The following RARB variants were observed in gnomAD, a reference collection of about 807,000 sequenced individuals.
RARB encodes the protein HBV-activated protein.
Under a neutral mutation model 51.9 loss-of-function variants are expected in RARB, and 17 were observed. That is an observed-to-expected ratio of 0.33 (90% confidence interval 0.22 to 0.49). The LOEUF is 0.49. Ranked by LOEUF, RARB falls within the 20% of genes least tolerant of loss-of-function variation. The pLI, the probability that RARB is intolerant of heterozygous loss-of-function variation, is 0.99. For missense variants in RARB, 369 were observed against 550.8 expected, an observed-to-expected ratio of 0.67 and a Z score of 3.30; for synonymous variants, 215 against 195.4, an observed-to-expected ratio of 1.10 and a Z score of -0.84.
chr3:25,219,492 G>T (rs1316112553), intron 5 of RARB, among the ~76,000 whole-genome samples: 2 of 152,102 alleles, frequency 1.3e-5, no homozygotes, highest in African/African-American at 4.8e-5. Context: ...TCAACAATTT[G>T]CTTTATAAAA....
At chr3:25,361,864 GA>G (rs1705947173) in intron 5 of RARB, among the ~76,000 whole-genome samples, 1 of 152,202 alleles carries the variant, frequency 6.6e-6, no homozygotes, top group Non-Finnish European at 1.5e-5. Flanking sequence ...CCTCGTCCCA[GA>G]GGGGCACCAG....
In RARB at chr3:24,998,476, A is replaced by C. The variant is rs1189823014; in HGVS notation, c.-379-61649A>C. Among the ~76,000 whole-genome samples the C allele has an allele frequency of 2.6e-5, 4 of 151,690 alleles. No homozygotes were observed. In the East Asian group the frequency reaches 7.7e-4, roughly 29 times the overall value. ...CCACAAAGACCCCTGACTGACAGAA[A>C]TGTTCCTTGCTGCCTTAAAAAAAAA... On this transcript the variant is annotated intron_variant, in intron 2 of 11. Coordinates refer to the RARB transcript ENST00000383772.
intron 5 of RARB, among the ~76,000 whole-genome samples, chr3:25,354,619 C>A (rs1705676365): frequency 1.3e-5 from 2 of 152,142 alleles, no homozygotes; most frequent in Non-Finnish European, 1.5e-5. Flanking sequence ...CGGCTCCCCT[C>A]AATGCCCATC....
At chr3:25,329,036 A>G (rs991841065) in intron 5 of RARB, among the ~76,000 whole-genome samples, 1 of 152,190 alleles carries the variant, frequency 6.6e-6, no homozygotes, top group Non-Finnish European at 1.5e-5. Flanking sequence ...AAGCTTGAAC[A>G]GGGTGGAACC....
At chr3:24,841,270 G>A (rs1249844333) in intron 1 of RARB, among the ~76,000 whole-genome samples, 1 of 152,124 alleles carries the variant, frequency 6.6e-6, no homozygotes, top group African/African-American at 2.4e-5. Flanking sequence ...AACCTAACTA[G>A]GAGAAAGGAG....
chr3:25,426,043 C>T (rs552450528), upstream of RARB, among the ~76,000 whole-genome samples: 10 of 152,176 alleles, frequency 6.6e-5, no homozygotes, highest in South Asian at 2.1e-4. Flanking sequence ...CTCCACTGTC[C>T]GGTAAAAATG....
At chr3:24,973,290 T>C (rs913616742) in intron 2 of RARB, among the ~76,000 whole-genome samples, 2 of 152,092 alleles carry the variant, frequency 1.3e-5, no homozygotes, top group African/African-American at 4.8e-5. Flanking sequence ...GCTGTAAAAG[T>C]GTAGATTTAT....
At chr3:25,533,725 T>G (rs1013639355) in intron 3 of RARB, among the ~76,000 whole-genome samples, 1 of 152,162 alleles carries the variant, frequency 6.6e-6, no homozygotes, top group Non-Finnish European at 1.5e-5. Context: ...TATTAGACAA[T>G]GCTAAATGAA....
chr3:24,835,502 A>G (rs941908308), intron 1 of RARB, among the ~76,000 whole-genome samples: 4 of 152,214 alleles, frequency 2.6e-5, no homozygotes, highest in Non-Finnish European at 5.9e-5. Context: ...TGTATGTGCC[A>G]GACTCTGTAC....
chr3:25,039,101 C>G (rs1698060984), intron 2 of RARB, among the ~76,000 whole-genome samples: 1 of 151,566 alleles, frequency 6.6e-6, no homozygotes. Flanking sequence ...ACTTCTCTTT[C>G]CACTTGTCTG....
chr3:24,968,012 T>C (rs2125415575), intron 2 of RARB, among the ~76,000 whole-genome samples: 1 of 152,254 alleles, frequency 6.6e-6, no homozygotes, highest in Non-Finnish European at 1.5e-5. Flanking sequence ...GTAAAACAAT[T>C]ATAATAGCTC....
At chr3:25,365,174 T>A (rs1397801392) in intron 5 of RARB, among the ~76,000 whole-genome samples, 1 of 149,908 alleles carries the variant, frequency 6.7e-6, no homozygotes, top group Admixed American at 6.7e-5. Flanking sequence ...AAAAGGTATA[T>A]AAGCCAACCA....
intron 5 of RARB, among the ~76,000 whole-genome samples, chr3:25,413,640 T>G (rs938584698): frequency 2.0e-5 from 3 of 152,178 alleles, no homozygotes; most frequent in Non-Finnish European, 4.4e-5. Flanking sequence ...TCACCAACCC[T>G]TGGTATCTTG....
chr3:25,166,755 T>C (rs13092408), intron 4 of RARB, among the ~76,000 whole-genome samples: 71,921 of 151,990 alleles, frequency 0.47, 17,788 homozygotes, highest in East Asian at 0.7. Context: ...CTTCTCACCA[T>C]TTCAAAGTGT....
chr3:25,200,972 T>C (rs1016359733), intron 5 of RARB, among the ~76,000 whole-genome samples: 1 of 152,242 alleles, frequency 6.6e-6, no homozygotes, highest in Non-Finnish European at 1.5e-5. Flanking sequence ...TTTCCAATTC[T>C]GTGAAGAAAG....
chr3:25,534,801 A>G (rs2125647616), intron 3 of RARB, among the ~76,000 whole-genome samples: 1 of 152,240 alleles, frequency 6.6e-6, no homozygotes, highest in African/African-American at 2.4e-5. Context: ...AAAAGATGGG[A>G]CAGGCTAATG....
intron 2 of RARB, among the ~76,000 whole-genome samples, chr3:24,891,368 C>T (rs552966994): frequency 9.2e-5 from 14 of 152,180 alleles, no homozygotes; most frequent in African/African-American, 2.9e-4. Flanking sequence ...TAAGAAGCCT[C>T]GGGAAAGTTA....
intron 2 of RARB, among the ~76,000 whole-genome samples, chr3:25,009,000 A>G (rs937168111): frequency 6.6e-6 from 1 of 152,196 alleles, no homozygotes; most frequent in Non-Finnish European, 1.5e-5. Context: ...GTTAAAAGCA[A>G]TGAAATGAAG....
intron 4 of RARB, among the ~76,000 whole-genome samples, chr3:25,155,828 C>A (rs1216597914): frequency 6.6e-6 from 1 of 152,168 alleles, no homozygotes; most frequent in Non-Finnish European, 1.5e-5. Flanking sequence ...GCAAAGCATA[C>A]CCCATGCTGG....
Sources: gnomAD v4.1 joint callset for allele counts (sites outside exome capture counted in the v4.1 genomes callset) on GRCh38, gnomAD v4.1.1 for gene constraint, MANE v1.5 for transcripts, NCBI Gene and HGNC (gene_info 2026-07-23, HGNC 2026-07-21) for gene names.